CNTN5: variants seen among roughly 807,000 people sequenced by gnomAD.
CNTN5 encodes the protein contactin 5.
A neutral mutation model predicts 129.1 loss-of-function variants in CNTN5; 77 were observed. The ratio of observed to expected loss-of-function variants is 0.60; its 90% CI spans 0.50 to 0.72. The LOEUF (loss-of-function observed/expected upper bound fraction) is 0.72, where lower values mean the gene tolerates loss of function less well. Ranked by LOEUF, CNTN5 falls within the 30% of genes least tolerant of loss-of-function variation. The pLI, the probability that CNTN5 is intolerant of heterozygous loss-of-function variation, is 0.00. For synonymous variants in CNTN5, 509 were observed against 465.6 expected, an observed-to-expected ratio of 1.09 and a Z score of -1.20; for missense variants, 1,478 against 1,328.8, an observed-to-expected ratio of 1.11 and a Z score of -1.75.
intron 4 of CNTN5, among the ~76,000 whole-genome samples, chr11:99,832,353 T>C (rs1947168824): frequency 6.6e-6 from 1 of 152,166 alleles, no homozygotes; most frequent in Non-Finnish European, 1.5e-5. Context: ...TTGGTGCACT[T>C]TGATTGTTAT....
At chr11:100,078,832 G>A (rs1944248118) in intron 13 of CNTN5, among the ~76,000 whole-genome samples, 1 of 152,066 alleles carries the variant, frequency 6.6e-6, no homozygotes, top group African/African-American at 2.4e-5. Flanking sequence ...AATGGTGATA[G>A]TGATAATGAT....
At chr11:99,051,511 C>T (rs1864426747) in intron 1 of CNTN5, among the ~76,000 whole-genome samples, 1 of 151,924 alleles carries the variant, frequency 6.6e-6, no homozygotes. Context: ...ACCAAGGGGA[C>T]TTCCATTACT....
chr11:100,086,218 A>G (rs1249706562), intron 13 of CNTN5, among the ~76,000 whole-genome samples: 1 of 151,088 alleles, frequency 6.6e-6, no homozygotes, highest in Non-Finnish European at 1.5e-5. Context: ...TTTAAATTAT[A>G]TTTATTTTAT....
intron 9 of CNTN5, among the ~76,000 whole-genome samples, chr11:100,016,631 G>A (rs1347576994): frequency 6.6e-6 from 1 of 151,682 alleles, no homozygotes; most frequent in East Asian, 1.9e-4. Flanking sequence ...CTTGATTTTT[G>A]ATGGTAGAGC....
intron 15 of CNTN5, among the ~76,000 whole-genome samples, chr11:100,197,851 G>T (rs1400819037): frequency 6.6e-6 from 1 of 151,932 alleles, no homozygotes; most frequent in Non-Finnish European, 1.5e-5. Flanking sequence ...CCCTTTCATT[G>T]TGAACTTGAT....
chr11:99,772,017 A>G (rs1166861052), intron 3 of CNTN5, among the ~76,000 whole-genome samples: 1 of 151,950 alleles, frequency 6.6e-6, no homozygotes, highest in East Asian at 1.9e-4. Flanking sequence ...GAGGGAGTCT[A>G]TAAAAGAAAG....
At chr11:99,083,230 T>C (rs4466796) in intron 1 of CNTN5, among the ~76,000 whole-genome samples, 20,801 of 152,138 alleles carry the variant, frequency 0.14, 2,538 homozygotes, top group East Asian at 0.44. Context: ...TGGATATTCT[T>C]CAGTGTTCTT....
chr11:100,193,953 A>C (rs17094585), intron 15 of CNTN5, among the ~76,000 whole-genome samples: 1 of 151,938 alleles, frequency 6.6e-6, no homozygotes, highest in African/African-American at 2.4e-5. Context: ...GTTGCTACAT[A>C]AAGTGGCAAT....
intron 1 of CNTN5, among the ~76,000 whole-genome samples, chr11:99,065,561 A>G (rs533844352): frequency 1.1e-4 from 16 of 152,308 alleles, no homozygotes; most frequent in Non-Finnish European, 2.1e-4. Flanking sequence ...TAGTGTTGCC[A>G]TCTCTTTATG....
At chr11:99,822,747 A>G (rs1946839537) in intron 4 of CNTN5, among the ~76,000 whole-genome samples, 2 of 152,252 alleles carry the variant, frequency 1.3e-5, no homozygotes, top group African/African-American at 4.8e-5. Flanking sequence ...AAAATGTCTC[A>G]CAGTAATTCT....
chr11:99,719,765 AAAT>A (rs932335759), intron 3 of CNTN5, among the ~76,000 whole-genome samples: 3 of 152,182 alleles, frequency 2.0e-5, no homozygotes, highest in African/African-American at 7.2e-5. Context: ...TTTTTGAAAA[AAAT>A]AATAGGCCAC....
chr11:99,889,899 TA>T (rs1207365499), intron 6 of CNTN5, among the ~76,000 whole-genome samples: 46 of 152,246 alleles, frequency 3.0e-4, no homozygotes, highest in African/African-American at 1.1e-3. Context: ...CTACAGAAAA[TA>T]ACTTATCTAA....
chr11:99,734,291 T>C (rs908589459), intron 3 of CNTN5, among the ~76,000 whole-genome samples: 2 of 152,200 alleles, frequency 1.3e-5, no homozygotes, highest in African/African-American at 4.8e-5. Flanking sequence ...TATTGTTGAC[T>C]GTAGTCACCC....
At chr11:100,023,331 GA>G (rs1297240595) in intron 9 of CNTN5, among the ~76,000 whole-genome samples, 1 of 152,010 alleles carries the variant, frequency 6.6e-6, no homozygotes, top group African/African-American at 2.4e-5. Flanking sequence ...ATTTTTTCAG[GA>G]TTTTTTTAAA....
chr11:99,130,832 G>T (rs576485969), intron 1 of CNTN5, among the ~76,000 whole-genome samples: 140 of 152,134 alleles, frequency 9.2e-4, no homozygotes, highest in African/African-American at 3.2e-3. Context: ...CAACTACATA[G>T]AAATTGAACA....
At chr11:99,526,381 G>A (rs761438409) in intron 2 of CNTN5, among the ~76,000 whole-genome samples, 6 of 152,178 alleles carry the variant, frequency 3.9e-5, no homozygotes, top group Non-Finnish European at 8.8e-5. Context: ...TTCATTGGAT[G>A]ACTTCATTTC....
At chr11:99,327,656 T>C (rs966835626) in intron 2 of CNTN5, among the ~76,000 whole-genome samples, 1 of 152,210 alleles carries the variant, frequency 6.6e-6, no homozygotes, top group African/African-American at 2.4e-5. Context: ...AATTGATGAT[T>C]CTGACAAGAG....
At chr11:99,453,952 C>A (rs1288271592) in intron 2 of CNTN5, among the ~76,000 whole-genome samples, 5 of 152,094 alleles carry the variant, frequency 3.3e-5, no homozygotes, top group Admixed American at 3.3e-4. Flanking sequence ...CACAATTATT[C>A]AATTAAATGA....
chr11:99,113,103 G>T (rs756524480), intron 1 of CNTN5, among the ~76,000 whole-genome samples: 6 of 151,872 alleles, frequency 4.0e-5, no homozygotes, highest in Non-Finnish European at 7.4e-5. Flanking sequence ...ATAATCTACG[G>T]TACTTTTAAA....
Sources: allele counts gnomAD v4.1 joint callset (sites outside exome capture counted in the v4.1 genomes callset), GRCh38; gene constraint gnomAD v4.1.1; transcripts MANE v1.5; gene names NCBI Gene and HGNC (gene_info 2026-07-23, HGNC 2026-07-21).